The following UFL1 variants were observed in gnomAD, a reference collection of about 807,000 sequenced individuals.
The protein encoded by UFL1 is E3 UFM1-protein ligase 1.
UFL1 carries 78 observed loss-of-function variants against 99.3 expected under a neutral mutation model. The observed-to-expected ratio is 0.79, with a 90% CI of 0.65 to 0.95. The LOEUF (loss-of-function observed/expected upper bound fraction) is 0.95. UFL1 is among the 40% of genes least tolerant of loss of function. The pLI, the probability that UFL1 is intolerant of heterozygous loss-of-function variation, is 0.00. For missense variants in UFL1, 936 were observed against 937.0 expected (o/e 1.00, Z 0.01); for synonymous variants, 335 against 322.2 (o/e 1.04, Z -0.42).
intron 12 of UFL1, among the ~76,000 whole-genome samples, chr6:96,545,136 G>A (rs975554072): frequency 6.6e-6 from 1 of 151,086 alleles, no homozygotes; most frequent in Admixed American, 6.6e-5. Context: ...TAATAGTACT[G>A]TCTGTCTACT....
Position 96,532,047 on chromosome 6 carries a change from A to G in UFL1, c.597-2216A>G, listed in dbSNP as rs139626044. On this transcript the variant is annotated intron_variant, in intron 6 of 18. Coordinates refer to ENST00000369278, the MANE Select transcript of UFL1 (RefSeq NM_015323.5). The stretch of plus-strand genomic sequence containing the variant: ...GTTTTTATGGATATTTCTTGTTATC[A>G]TGGATAGCCAGAGAGAAGAGCAGGA... Among the ~76,000 whole-genome samples, 557 of 152,346 alleles carry G rather than the reference A, an allele frequency of 3.7e-3. 5 individuals are homozygous for G. The highest frequency in any genetic ancestry group is 5.3e-3 in the Non-Finnish European group (360 of 68,042).
chr6:96,542,130 AG>A (rs1400071817), intron 11 of UFL1, among the ~76,000 whole-genome samples: 7 of 151,346 alleles, frequency 4.6e-5, no homozygotes, highest in Admixed American at 2.0e-4. Context: ...TCCATTTTGT[AG>A]AGTAGATATT....
intron 12 of UFL1, 54 bp downstream of exon 12, chr6:96,543,070 T>C (rs986592869): frequency 1.3e-6 from 2 of 1,536,072 alleles, no homozygotes; most frequent in Non-Finnish European, 1.7e-6. Flanking sequence ...TTGTAACATA[T>C]TTTCTTAAGA....
chr6:96,528,653 A>G (rs1240220468), intron 6 of UFL1, 21 bp downstream of exon 6: 3 of 1,581,482 alleles, frequency 1.9e-6, no homozygotes, highest in Non-Finnish European at 2.6e-6. Flanking sequence ...TTTAAAGTAT[A>G]TATATTTGCA....
intron 8 of UFL1, 98 bp downstream of exon 8, chr6:96,536,488 G>T: frequency 1.2e-6 from 1 of 805,032 alleles, no homozygotes. Context: ...TTTGATCTGT[G>T]GGTTATATTA....
rs556153796 is a variant in UFL1, at chr6:96,549,348, A to T, written c.1521-64A>T. On this transcript the variant is annotated intron_variant, in intron 13 of 18. Coordinates refer to ENST00000369278, the MANE Select transcript of UFL1 (RefSeq NM_015323.5). Reference sequence around the variant, plus strand: ...TAAGCCTTATTTCCATAGAAACAAAATTCCTTATCTATATAAATACTCAGT... The same window carrying T: ...TAAGCCTTATTTCCATAGAAACAAATTTCCTTATCTATATAAATACTCAGT... 8 of 1,292,330 alleles carry T rather than the reference A, an allele frequency of 6.2e-6. No individual in the cohort carries two copies. In the African/African-American group the frequency reaches 1.3e-4, roughly 20 times the overall value. 80.1% of individuals were successfully genotyped at this position (1,292,330 alleles called of 1,614,324 possible).
chr6:96,540,487 G>A (rs1769915346), intron 10 of UFL1, 48 bp from the exon 11 acceptor site: 1 of 1,567,656 alleles, frequency 6.4e-7, no homozygotes, highest in Non-Finnish European at 8.6e-7. Flanking sequence ...TTATGCTTTT[G>A]GAAATGCTAT....
At chr6:96,524,437 G>A (rs1405407348) in intron 3 of UFL1, 27 bp downstream of exon 3, 2 of 1,552,516 alleles carry the variant, frequency 1.3e-6, no homozygotes, top group Admixed American at 4.1e-5. Context: ...TAAAATTTTT[G>A]CTTTACTTTC....
At chr6:96,523,363 A>T (rs1329288481) in intron 2 of UFL1, 72 bp downstream of exon 2, 1 of 1,410,766 alleles carries the variant, frequency 7.1e-7, no homozygotes, top group Non-Finnish European at 9.5e-7. Context: ...CAAAACCCGT[A>T]AACATGTAAT....
In UFL1 at chr6:96,547,077, A is replaced by T. The variant is rs79330406; in HGVS notation, c.1403-1087A>T. The stretch of plus-strand genomic sequence containing the variant: ...TAGCCTTCAGAATGGGAGAAAATAT[A>T]TGCGAATTATGCTTCTGACAAAGGA... On this transcript the variant is annotated intron_variant, in intron 12 of 18. Coordinates refer to ENST00000369278, the MANE Select transcript of UFL1 (RefSeq NM_015323.5). 7.2e-3 allele frequency among the ~76,000 whole-genome samples: 1,097 copies of T among 151,658 alleles called. 11 individuals are homozygous for T. The highest frequency in any genetic ancestry group is 0.022 in the African/African-American group (921 of 41,492).
intron 12 of UFL1, among the ~76,000 whole-genome samples, chr6:96,546,845 G>A (rs1439951245): frequency 3.3e-5 from 5 of 151,288 alleles, no homozygotes; most frequent in Admixed American, 2.0e-4. Context: ...TCAACTTTAG[G>A]TGGAGTAAAT....
At chr6:96,544,648 A>G (rs1034761812) in intron 12 of UFL1, among the ~76,000 whole-genome samples, 5 of 151,068 alleles carry the variant, frequency 3.3e-5, no homozygotes, top group African/African-American at 1.2e-4. Flanking sequence ...AAGGAAAAGT[A>G]TCTTTATAGG....
chr6:96,545,493 AAG>A (rs1201472386), intron 12 of UFL1, among the ~76,000 whole-genome samples: 1 of 150,920 alleles, frequency 6.6e-6, no homozygotes, highest in Non-Finnish European at 1.5e-5. Context: ...CCTTTTCCAA[AAG>A]ATACATTTTA....
intron 9 of UFL1, among the ~76,000 whole-genome samples, chr6:96,538,015 C>T (rs531474666): frequency 2.4e-4 from 36 of 151,704 alleles, no homozygotes; most frequent in Non-Finnish European, 2.2e-4. Context: ...GATAAATAAA[C>T]GAGGCCAATC....
chr6:96,544,485 C>G (rs1001186293), intron 12 of UFL1, among the ~76,000 whole-genome samples: 3 of 150,692 alleles, frequency 2.0e-5, no homozygotes, highest in African/African-American at 7.3e-5. Context: ...CGGGCTATAG[C>G]TGGAAGATGT....
rs762509395 is a variant in UFL1 at position 96,553,446 on chromosome 6, T to C, written c.2328T>C (p.Ser776=). 6.2e-7 allele frequency: 1 copy of C among 1,613,738 alleles called. No homozygotes were observed. Among genetic ancestry groups the C allele is most frequent in the Non-Finnish European group, 8.5e-7 (1 of 1,179,816 alleles). Residue 776 remains serine, a synonymous_variant, in exon 19 of 19, where the codon TCT becomes TCC. Transcript: ENST00000369278. Reference sequence around the variant, plus strand: ...CTCGTAAAGAGCTTCAAGAACTTTCTTCATCCATTAAAGACCTTGTTCTCA... The same window carrying C: ...CTCGTAAAGAGCTTCAAGAACTTTCCTCATCCATTAAAGACCTTGTTCTCA... ...STTRKELQEL[S]SSIKDLVLKS... is the part of the protein sequence containing the mutation.
At chr6:96,551,619 G>A (rs1582447364) in intron 16 of UFL1, 106 bp downstream of exon 16, 1 of 880,504 alleles carries the variant, frequency 1.1e-6, no homozygotes, top group East Asian at 2.8e-5. Flanking sequence ...TCTAAAACTA[G>A]TATTTTGCAC....
At chr6:96,532,597 G>T (rs1024604778) in intron 6 of UFL1, among the ~76,000 whole-genome samples, 5 of 152,326 alleles carry the variant, frequency 3.3e-5, no homozygotes, top group African/African-American at 1.2e-4. Context: ...AGAGTATATT[G>T]TTGAAAGGAT....
chr6:96,546,350 A>T (rs1751805596), intron 12 of UFL1, among the ~76,000 whole-genome samples: 1 of 151,240 alleles, frequency 6.6e-6, no homozygotes, highest in South Asian at 2.1e-4. Context: ...CAAAACACTG[A>T]TGAAAGAAAT....
Sources: gnomAD v4.1 joint callset for allele counts (sites outside exome capture counted in the v4.1 genomes callset) on GRCh38, gnomAD v4.1.1 for gene constraint, MANE v1.5 for transcripts, NCBI Gene and HGNC (gene_info 2026-07-23, HGNC 2026-07-21) for gene names.